The following LSM12 variants were observed in gnomAD, a reference collection of about 807,000 sequenced individuals.
LSM12 encodes the protein protein LSM12.
For synonymous variants in LSM12, 74 were observed against 87.3 expected (o/e 0.85, Z 0.85); for missense variants, 108 against 238.9 (o/e 0.45, Z 3.61).
At chr17:44,063,283 C>A (rs1254751777) in intron 2 of LSM12, among the ~76,000 whole-genome samples, 1 of 151,998 alleles carries the variant, frequency 6.6e-6, no homozygotes, top group Non-Finnish European at 1.5e-5. Flanking sequence ...CTTTTATGTG[C>A]AAGATTAAAA....
intron 2 of LSM12, among the ~76,000 whole-genome samples, chr17:44,046,759 CTT>C (rs35839029): frequency 5.2e-3 from 355 of 68,388 alleles, no homozygotes; most frequent in African/African-American, 0.016. Flanking sequence ...TTTTTTTTTT[CTT>C]TTTTTTTTTT....
intron 2 of LSM12, 46 bp from the exon 3 acceptor site, chr17:44,040,302 A>C: frequency 1.4e-6 from 2 of 1,445,952 alleles, no homozygotes; most frequent in Non-Finnish European, 1.9e-6. Flanking sequence ...ATTCATCTTC[A>C]TTCTTGCCAA....
chr17:44,066,790 G>T (rs940402879), upstream of LSM12: 2 of 548,276 alleles, frequency 3.6e-6, no homozygotes, highest in Non-Finnish European at 5.3e-6. Context: ...TATTTGTATA[G>T]CTGCGTCCGC....
intron 2 of LSM12, among the ~76,000 whole-genome samples, chr17:44,058,292 A>G (rs544936142): frequency 1.4e-4 from 21 of 152,072 alleles, no homozygotes; most frequent in African/African-American, 4.6e-4. Context: ...GACATTAACT[A>G]ACATCTGCCA....
chr17:44,061,452 A>G (rs981635006), intron 2 of LSM12, among the ~76,000 whole-genome samples: 4 of 152,218 alleles, frequency 2.6e-5, no homozygotes, highest in African/African-American at 9.6e-5. Context: ...TCAAAAACCT[A>G]TAAGCTTCAA....
intron 2 of LSM12, among the ~76,000 whole-genome samples, chr17:44,063,189 G>A (rs993807783): frequency 9.9e-5 from 15 of 152,108 alleles, no homozygotes; most frequent in South Asian, 2.1e-4. Flanking sequence ...GAGCCCAGGC[G>A]TTCAAGTTCA....
intron 2 of LSM12, chr17:44,040,467 ATACT>A: frequency 2.1e-6 from 1 of 480,376 alleles, no homozygotes; most frequent in South Asian, 2.1e-5. Context: ...CTTCCTTCTA[ATACT>A]TACTGCATAC....
intron 2 of LSM12, among the ~76,000 whole-genome samples, chr17:44,048,018 AACAC>A (rs57164806): frequency 0.19 from 26,210 of 137,232 alleles, 2,379 homozygotes; most frequent in Non-Finnish European, 0.22. Context: ...GTCCGTATTA[AACAC>A]ACACACACAC....
chr17:44,067,407 C>G (rs1003048339), upstream of LSM12: 5 of 152,238 alleles, frequency 3.3e-5, no homozygotes, highest in African/African-American at 1.2e-4. Context: ...AGGTCAGCCT[C>G]TTACTAAATC....
chr17:44,046,718 A>AG (rs1180786466), intron 2 of LSM12, among the ~76,000 whole-genome samples: 4 of 150,530 alleles, frequency 2.7e-5, no homozygotes, highest in Non-Finnish European at 5.9e-5. Context: ...TCAAAAAAAA[A>AG]AAAAAAAAAG....
chr17:44,056,982 ACT>A (rs1028740590), intron 2 of LSM12, among the ~76,000 whole-genome samples: 28 of 150,716 alleles, frequency 1.9e-4, no homozygotes, highest in African/African-American at 6.6e-4. Context: ...CAAGAGTGAA[ACT>A]CTGTCTCAAA....
intron 2 of LSM12, among the ~76,000 whole-genome samples, chr17:44,051,684 T>C (rs1324285979): frequency 6.6e-6 from 1 of 152,022 alleles, no homozygotes; most frequent in Non-Finnish European, 1.5e-5. Flanking sequence ...AATCAAAATA[T>C]TGAATCAGGC....
chr17:44,052,753 C>G (rs917957311), intron 2 of LSM12, among the ~76,000 whole-genome samples: 2 of 150,818 alleles, frequency 1.3e-5, no homozygotes, highest in Admixed American at 6.6e-5. Flanking sequence ...GAGCGAAACT[C>G]TGTCTTAAAA....
At chr17:44,059,518 G>C (rs929255462) in intron 2 of LSM12, among the ~76,000 whole-genome samples, 2 of 151,548 alleles carry the variant, frequency 1.3e-5, no homozygotes. Context: ...CTTGAACCGA[G>C]ATCACACCGG....
intron 1 of LSM12, among the ~76,000 whole-genome samples, chr17:44,065,157 CCGGGCGGTGGCT>C (rs2049855083): frequency 1.3e-5 from 2 of 151,160 alleles, no homozygotes; most frequent in African/African-American, 4.9e-5. Context: ...AAAAAAAAAG[CCGGGCGGTGGCT>C]CAGGCCTGTA....
In LSM12 at chr17:44,040,187, A is replaced by G; in HGVS notation, c.328T>C (p.Ser110Pro). 6.2e-7 allele frequency: 1 copy of G among 1,613,930 alleles called. No homozygotes were observed. Among genetic ancestry groups the G allele is most frequent in the South Asian group, 1.1e-5 (1 of 91,074 alleles). Residue 110 changes from serine (S) to proline (P), a missense_variant, in exon 3 of 5, where the codon TCT becomes CCT. Physicochemically the swap from Ser to Pro is moderately conservative, Grantham distance 74. Transcript: ENST00000293406. The stretch of plus-strand genomic sequence containing the variant: ...TGGAAGAGCTGCTGGCCCTCTAGAG[A>G]GACACCAGCACTGATTGCATAGGCC... ...SQAYAISAGVSLEGQQLFQTI... is the reference protein window; with the variant it reads ...SQAYAISAGVPLEGQQLFQTI...
upstream of LSM12, chr17:44,067,460 T>C (rs1177096654): frequency 1.3e-5 from 2 of 152,248 alleles, no homozygotes; most frequent in East Asian, 3.8e-4. Context: ...TGTTTCTTCA[T>C]AGGCATTTGT....
chr17:44,056,826 T>C (rs1295302205), intron 2 of LSM12, among the ~76,000 whole-genome samples: 2 of 151,968 alleles, frequency 1.3e-5, no homozygotes, highest in Non-Finnish European at 2.9e-5. Flanking sequence ...AAACCCTCTC[T>C]ACTAATAATA....
chr17:44,061,596 C>G (rs1185940290), intron 2 of LSM12, among the ~76,000 whole-genome samples: 1 of 152,166 alleles, frequency 6.6e-6, no homozygotes, highest in Non-Finnish European at 1.5e-5. Flanking sequence ...TCTGAGGTAA[C>G]GACATTCACT....
Sources: allele counts gnomAD v4.1 joint callset (sites outside exome capture counted in the v4.1 genomes callset), GRCh38; gene constraint gnomAD v4.1.1; transcripts MANE v1.5; gene names NCBI Gene and HGNC (gene_info 2026-07-23, HGNC 2026-07-21).